ATP1B3: variants seen among roughly 807,000 people sequenced by gnomAD.
ATP1B3 encodes the protein sodium/potassium-transporting ATPase subunit beta-3.
In ATP1B3, 10 loss-of-function variants were observed where a neutral mutation model predicts 30.2. The observed-to-expected ratio is 0.33, with a 90% CI of 0.20 to 0.56. The LOEUF is 0.56. ATP1B3 is among the 20% of genes least tolerant of loss of function. The probability of loss-of-function intolerance (pLI) is 0.90; values close to 1 mark genes in which losing one functional copy is unlikely to be tolerated. For missense variants in ATP1B3, 238 were observed against 336.7 expected (o/e 0.71, Z 2.29); for synonymous variants, 113 against 117.0 (o/e 0.97, Z 0.22).
intron 1 of ATP1B3, among the ~76,000 whole-genome samples, chr3:141,896,806 T>C (rs1934075629): frequency 6.6e-6 from 1 of 152,222 alleles, no homozygotes; most frequent in African/African-American, 2.4e-5. Flanking sequence ...TTCTATTTGC[T>C]GATACAGCCC....
intron 3 of ATP1B3, among the ~76,000 whole-genome samples, chr3:141,912,146 C>A (rs185199139): frequency 1.4e-3 from 215 of 152,240 alleles, no homozygotes; most frequent in Middle Eastern, 3.4e-3. Flanking sequence ...GTACATAGTC[C>A]CACAGTAACC....
chr3:141,897,575 G>A (rs1308608314), intron 1 of ATP1B3, among the ~76,000 whole-genome samples: 1 of 152,006 alleles, frequency 6.6e-6, no homozygotes, highest in Non-Finnish European at 1.5e-5. Context: ...GTTAATCTTA[G>A]GCAGGTTATT....
intron 1 of ATP1B3, among the ~76,000 whole-genome samples, chr3:141,878,835 T>C (rs1306448689): frequency 6.6e-6 from 1 of 152,198 alleles, no homozygotes; most frequent in Non-Finnish European, 1.5e-5. Flanking sequence ...AAATTAACCA[T>C]AATCCTGTCC....
chr3:141,882,658 A>C (rs538532893), intron 1 of ATP1B3, among the ~76,000 whole-genome samples: 1 of 152,286 alleles, frequency 6.6e-6, no homozygotes, highest in African/African-American at 2.4e-5. Flanking sequence ...ATATCGGCTC[A>C]CCGCAACCTC....
At chr3:141,879,368 G>T (rs1054576736) in intron 1 of ATP1B3, among the ~76,000 whole-genome samples, 1 of 152,074 alleles carries the variant, frequency 6.6e-6, no homozygotes, top group African/African-American at 2.4e-5. Flanking sequence ...TTGTTTTCAT[G>T]TGCTTTCCAG....
At chr3:141,922,356 TAAA>T (rs1340098018) in intron 6 of ATP1B3, among the ~76,000 whole-genome samples, 1 of 152,070 alleles carries the variant, frequency 6.6e-6, no homozygotes, top group East Asian at 1.9e-4. Flanking sequence ...GAAAAGTACT[TAAA>T]AAGAAAATCA....
chr3:141,903,891 C>T (rs939504756), intron 2 of ATP1B3, 143 bp downstream of exon 2: 1 of 957,434 alleles, frequency 1.0e-6, no homozygotes, highest in African/African-American at 1.7e-5. Context: ...AAGCGATTCT[C>T]CTGCCTCCTC....
At chr3:141,879,576 A>G (rs1465184714) in intron 1 of ATP1B3, among the ~76,000 whole-genome samples, 1 of 151,758 alleles carries the variant, frequency 6.6e-6, no homozygotes, top group African/African-American at 2.4e-5. Flanking sequence ...GTTCAAGACC[A>G]GCCTGGCCAA....
intron 1 of ATP1B3, among the ~76,000 whole-genome samples, chr3:141,883,697 G>C (rs1466250586): frequency 6.6e-6 from 1 of 152,174 alleles, no homozygotes; most frequent in Non-Finnish European, 1.5e-5. Flanking sequence ...CAAACTGGTT[G>C]AATGAGCAGT....
chr3:141,888,262 G>C (rs1291122762), intron 1 of ATP1B3, among the ~76,000 whole-genome samples: 1 of 152,164 alleles, frequency 6.6e-6, no homozygotes, highest in East Asian at 1.9e-4. Flanking sequence ...ATACATTCGT[G>C]TGTTTCTCTC....
rs111828297 is a variant in ATP1B3, at chr3:141,890,582, C to T, written c.110-13038C>T. On this transcript the variant is annotated intron_variant, in intron 1 of 6. Transcript: ENST00000286371. ...CCTCCCACAGTGCTAGGATTACAGG[C>T]GTGAGCCACCACGCCCACCTAATTT... Among the ~76,000 whole-genome samples, 476 of 150,410 alleles carry T rather than the reference C, an allele frequency of 3.2e-3. 3 individuals are homozygous for T. The highest frequency in any genetic ancestry group is 0.011 in the African/African-American group (460 of 40,774).
At chr3:141,901,707 T>C (rs1182300223) in intron 1 of ATP1B3, among the ~76,000 whole-genome samples, 1 of 152,258 alleles carries the variant, frequency 6.6e-6, no homozygotes, top group African/African-American at 2.4e-5. Context: ...ATTTGCTTTA[T>C]AACTATTTTG....
chr3:141,921,866 G>C, intron 5 of ATP1B3, 111 bp from the exon 6 acceptor site: 1 of 571,318 alleles, frequency 1.8e-6, no homozygotes. Context: ...AGTTGGAGCA[G>C]CATTGTAGTT....
At chr3:141,905,816 G>T (rs1008098908) in intron 2 of ATP1B3, among the ~76,000 whole-genome samples, 4 of 151,994 alleles carry the variant, frequency 2.6e-5, no homozygotes, top group Admixed American at 6.6e-5. Flanking sequence ...ATAATTGCAT[G>T]AAATATATAA....
rs1019366903 is a variant in ATP1B3 at position 141,893,042 on chromosome 3, C to G, written c.110-10578C>G. On this transcript the variant is annotated intron_variant, in intron 1 of 6. Transcript: ENST00000286371. Reference sequence around the variant, plus strand: ...GGCCTTAGTTTTTTCTTTTTCTCACCCAGGCTGGAGTGCAGTGGTGCCGTT... The same window carrying G: ...GGCCTTAGTTTTTTCTTTTTCTCACGCAGGCTGGAGTGCAGTGGTGCCGTT... 2.6e-5 allele frequency among the ~76,000 whole-genome samples: 4 copies of G among 152,142 alleles called. No homozygotes were observed. The East Asian group carries it at 7.7e-4, about 29-fold the overall frequency.
intron 4 of ATP1B3, among the ~76,000 whole-genome samples, chr3:141,915,599 T>A (rs1442686879): frequency 6.6e-6 from 1 of 152,176 alleles, no homozygotes; most frequent in African/African-American, 2.4e-5. Flanking sequence ...AACAGTTAAT[T>A]ATTATGCTTC....
chr3:141,889,750 A>ATATATATATAT (rs56393829), intron 1 of ATP1B3, among the ~76,000 whole-genome samples: 4 of 79,116 alleles, frequency 5.1e-5, no homozygotes, highest in African/African-American at 1.9e-4. Flanking sequence ...AAAAAAAAAA[A>ATATATATATAT]ATATATACAC....
In ATP1B3 at chr3:141,918,129, G is replaced by A. The variant is rs1417701298; in HGVS notation, c.582+2109G>A. On this transcript the variant is annotated intron_variant, in intron 5 of 6. Coordinates refer to ENST00000286371, the MANE Select transcript of ATP1B3 (RefSeq NM_001679.4). ...GGCAGCATATACTGTCAGCTCTCAA[G>A]TCAGAACACTATAGCTACAAGATAC... is the stretch of plus-strand genomic sequence containing the variant. The A allele has an allele frequency of 2.0e-5, 3 of 152,118 alleles. No individual in the cohort carries two copies. The East Asian group carries it at 5.8e-4, about 29-fold the overall frequency. 9.4% of individuals were successfully genotyped at this position (152,118 alleles called of 1,614,324 possible).
At chr3:141,900,676 G>A (rs148570521) in intron 1 of ATP1B3, among the ~76,000 whole-genome samples, 179 of 152,194 alleles carry the variant, frequency 1.2e-3, no homozygotes, top group African/African-American at 3.6e-3. Context: ...TGAATTGTAC[G>A]CCCAGTGTGG....
Sources: allele counts gnomAD v4.1 joint callset (sites outside exome capture counted in the v4.1 genomes callset), GRCh38; gene constraint gnomAD v4.1.1; transcripts MANE v1.5; gene names NCBI Gene and HGNC (gene_info 2026-07-23, HGNC 2026-07-21).